The following TMEM117 variants were observed in gnomAD, a reference collection of about 807,000 sequenced individuals.
TMEM117 encodes transmembrane protein 117.
A neutral mutation model predicts 52.4 loss-of-function variants in TMEM117; 27 were observed. The ratio of observed to expected loss-of-function variants is 0.51; its 90% confidence interval spans 0.38 to 0.71. The LOEUF is 0.71. Among genes scored for constraint, TMEM117 ranks in the 30% least tolerant of loss-of-function variants. The pLI, the probability that TMEM117 is intolerant of heterozygous loss-of-function variation, is 0.00. For synonymous variants in TMEM117, 215 were observed against 206.3 expected (o/e 1.04, Z -0.36); for missense variants, 556 against 630.5 (o/e 0.88, Z 1.26).
intron 3 of TMEM117, among the ~76,000 whole-genome samples, chr12:44,139,518 G>A (rs909217335): frequency 2.6e-5 from 4 of 151,648 alleles, no homozygotes; most frequent in African/African-American, 9.7e-5. Context: ...GATGGTTAAG[G>A]TTTAAATCTC....
intron 5 of TMEM117, among the ~76,000 whole-genome samples, chr12:44,225,515 A>G (rs1298273488): frequency 2.0e-5 from 3 of 152,206 alleles, no homozygotes; most frequent in African/African-American, 4.8e-5. Context: ...TCCTTTTAGC[A>G]TAAGATGATT....
At chr12:43,933,050 C>A (rs1033499091) in intron 2 of TMEM117, among the ~76,000 whole-genome samples, 24 of 152,098 alleles carry the variant, frequency 1.6e-4, no homozygotes, top group Admixed American at 1.5e-3. Flanking sequence ...GGGGACTATT[C>A]TTGACAATTT....
chr12:44,366,421 C>A (rs535736521), intron 6 of TMEM117, among the ~76,000 whole-genome samples: 1 of 152,172 alleles, frequency 6.6e-6, no homozygotes, highest in South Asian at 2.1e-4. Flanking sequence ...TCTGGACTAA[C>A]AATAGTTTCA....
intron 4 of TMEM117, among the ~76,000 whole-genome samples, chr12:44,163,888 A>G (rs899362794): frequency 6.6e-6 from 1 of 152,172 alleles, no homozygotes; most frequent in Non-Finnish European, 1.5e-5. Context: ...ATAATATGTC[A>G]GGTCAACTGG....
chr12:44,137,819 G>A (rs1321408874), intron 3 of TMEM117, among the ~76,000 whole-genome samples: 1 of 152,158 alleles, frequency 6.6e-6, no homozygotes, highest in Non-Finnish European at 1.5e-5. Context: ...AATTGTGGAA[G>A]TTACAATCCA....
chr12:44,102,583 A>C (rs1344680190), intron 3 of TMEM117, among the ~76,000 whole-genome samples: 1 of 151,784 alleles, frequency 6.6e-6, no homozygotes, highest in African/African-American at 2.4e-5. Context: ...ACCATTCCTG[A>C]ATACTTTTTC....
intron 1 of TMEM117, among the ~76,000 whole-genome samples, chr12:43,838,755 T>C (rs146347247): frequency 3.3e-5 from 5 of 151,922 alleles, no homozygotes; most frequent in Non-Finnish European, 5.9e-5. Context: ...TGGGGTTATA[T>C]AGAGGTAGTC....
At chr12:44,178,506 T>G (rs1414530063) in intron 4 of TMEM117, among the ~76,000 whole-genome samples, 1 of 152,222 alleles carries the variant, frequency 6.6e-6, no homozygotes, top group Non-Finnish European at 1.5e-5. Flanking sequence ...TTCATCCAGT[T>G]CATTGATTGA....
At chr12:43,986,611 T>G (rs144779051) in intron 3 of TMEM117, among the ~76,000 whole-genome samples, 49 of 152,296 alleles carry the variant, frequency 3.2e-4, no homozygotes, top group East Asian at 9.7e-4. Flanking sequence ...TTCCTAAATT[T>G]TAGAATCAAT....
intron 3 of TMEM117, among the ~76,000 whole-genome samples, chr12:44,001,808 G>A (rs1373443538): frequency 6.6e-6 from 1 of 152,100 alleles, no homozygotes; most frequent in Non-Finnish European, 1.5e-5. Flanking sequence ...ACGAGTGGAA[G>A]AGTGACATTG....
chr12:44,360,421 A>G (rs879492425), intron 6 of TMEM117, among the ~76,000 whole-genome samples: 2 of 151,936 alleles, frequency 1.3e-5, no homozygotes, highest in Non-Finnish European at 2.9e-5. Flanking sequence ...CTAAAAATAC[A>G]AAAATTAGCC....
intron 2 of TMEM117, among the ~76,000 whole-genome samples, chr12:43,879,038 A>C (rs1309979612): frequency 1.3e-5 from 2 of 152,208 alleles, no homozygotes; most frequent in Non-Finnish European, 2.9e-5. Flanking sequence ...AAGTTTGTCA[A>C]GCATGATCAG....
the TMEM117 span, among the ~76,000 whole-genome samples, chr12:43,810,856 T>C: frequency 6.6e-6 from 1 of 152,204 alleles, no homozygotes; most frequent in Non-Finnish European, 1.5e-5. Flanking sequence ...TTATGTTTTT[T>C]CAGAATAGGC....
At chr12:43,843,174 C>G (rs755103163) in intron 1 of TMEM117, among the ~76,000 whole-genome samples, 1 of 152,212 alleles carries the variant, frequency 6.6e-6, no homozygotes, top group Non-Finnish European at 1.5e-5. Flanking sequence ...CCTCTTCCCC[C>G]TCTTCCCCCT....
chr12:44,200,940 A>G (rs1949487968), intron 4 of TMEM117, among the ~76,000 whole-genome samples: 1 of 152,174 alleles, frequency 6.6e-6, no homozygotes, highest in Non-Finnish European at 1.5e-5. Context: ...TCAGTCCCAA[A>G]GGAACTAGCG....
At chr12:44,098,090 T>C (rs1947801946) in intron 3 of TMEM117, among the ~76,000 whole-genome samples, 1 of 151,976 alleles carries the variant, frequency 6.6e-6, no homozygotes, top group Admixed American at 6.6e-5. Flanking sequence ...GGATTGAACA[T>C]TAACATATTT....
At chr12:44,346,622 G>C (rs1054679317) in intron 6 of TMEM117, among the ~76,000 whole-genome samples, 3 of 152,076 alleles carry the variant, frequency 2.0e-5, no homozygotes, top group Non-Finnish European at 2.9e-5. Flanking sequence ...GACATGCTTT[G>C]TTCCTTGTTC....
At chr12:44,024,606 G>A (rs1209653867) in intron 3 of TMEM117, among the ~76,000 whole-genome samples, 3 of 151,628 alleles carry the variant, frequency 2.0e-5, no homozygotes, top group East Asian at 3.9e-4. Flanking sequence ...AAGGTGGGGT[G>A]GGAGGAAGAG....
At chr12:44,101,032 G>A (rs904781878) in intron 3 of TMEM117, among the ~76,000 whole-genome samples, 8 of 151,858 alleles carry the variant, frequency 5.3e-5, no homozygotes, top group Non-Finnish European at 1.5e-5. Flanking sequence ...CCATCTTCTG[G>A]TTCCTAGAAG....
Sources: gnomAD v4.1 joint callset for allele counts (sites outside exome capture counted in the v4.1 genomes callset) on GRCh38, gnomAD v4.1.1 for gene constraint, MANE v1.5 for transcripts, NCBI Gene and HGNC (gene_info 2026-07-23, HGNC 2026-07-21) for gene names.